The following GLIS1 variants were observed in gnomAD, a reference collection of about 807,000 sequenced individuals.
GLIS1 encodes GLIS family zinc finger 1.
In GLIS1, 24 loss-of-function variants were observed where a neutral mutation model predicts 63.8. The observed-to-expected ratio is 0.38, with a 90% CI of 0.27 to 0.53. The LOEUF (loss-of-function observed/expected upper bound fraction) is 0.53. Ranked by LOEUF, GLIS1 falls within the 20% of genes least tolerant of loss-of-function variation. GLIS1 has a pLI of 0.85. For missense variants in GLIS1, 1,036 were observed against 1,074.1 expected, an observed-to-expected ratio of 0.96 and a Z score of 0.50; for synonymous variants, 450 against 482.5, an observed-to-expected ratio of 0.93 and a Z score of 0.88.
intron 2 of GLIS1, among the ~76,000 whole-genome samples, chr1:53,706,180 C>T (rs1272615911): frequency 6.6e-6 from 1 of 152,158 alleles, no homozygotes; most frequent in Non-Finnish European, 1.5e-5. Flanking sequence ...AAGTAACTTG[C>T]CCAGTGTCAA....
chr1:53,730,819 G>A (rs565531459), intron 2 of GLIS1, among the ~76,000 whole-genome samples: 1 of 152,136 alleles, frequency 6.6e-6, no homozygotes, highest in Non-Finnish European at 1.5e-5. Flanking sequence ...CCTTCCATAG[G>A]GGGGGTCATC....
chr1:53,555,598 T>C (rs1177014853), intron 4 of GLIS1, among the ~76,000 whole-genome samples: 3 of 152,204 alleles, frequency 2.0e-5, no homozygotes, highest in Non-Finnish European at 2.9e-5. Flanking sequence ...GGATAAATGC[T>C]TGAGGTAATG....
chr1:53,738,151 C>T (rs1487542472), intron 1 of GLIS1, 45 bp from the exon 2 acceptor site: 2 of 1,133,854 alleles, frequency 1.8e-6, no homozygotes, highest in Admixed American at 4.3e-5. Flanking sequence ...CGGAAAGCGG[C>T]CCCCGTATTG....
chr1:53,673,462 C>T (rs1343122163), intron 2 of GLIS1, among the ~76,000 whole-genome samples: 1 of 152,258 alleles, frequency 6.6e-6, no homozygotes, highest in Non-Finnish European at 1.5e-5. Context: ...CTACGCTCAG[C>T]AGCTGTGAGG....
chr1:53,590,307 C>T (rs1360858547), intron 4 of GLIS1, among the ~76,000 whole-genome samples: 1 of 152,180 alleles, frequency 6.6e-6, no homozygotes, highest in East Asian at 1.9e-4. Flanking sequence ...GGCTGGGTCC[C>T]AGGTCTGTGG....
intron 2 of GLIS1, among the ~76,000 whole-genome samples, chr1:53,699,143 C>A (rs1026895234): frequency 6.6e-6 from 1 of 151,998 alleles, no homozygotes; most frequent in African/African-American, 2.4e-5. Context: ...CGGCTCACTG[C>A]ATTCTCCGCT....
At chr1:53,709,331 C>CAT (rs1244076963) in intron 2 of GLIS1, among the ~76,000 whole-genome samples, 3 of 42,992 alleles carry the variant, frequency 7.0e-5, no homozygotes, top group Non-Finnish European at 1.3e-4. Flanking sequence ...TAAATATACA[C>CAT]ATATATATAC....
chr1:53,638,064 T>C (rs897313390), intron 2 of GLIS1, among the ~76,000 whole-genome samples: 1 of 152,174 alleles, frequency 6.6e-6, no homozygotes, highest in Non-Finnish European at 1.5e-5. Flanking sequence ...CAGTATCCCA[T>C]CTGGGTTTAG....
chr1:53,518,252 G>T (rs1440771566), intron 7 of GLIS1, among the ~76,000 whole-genome samples: 7 of 152,222 alleles, frequency 4.6e-5, no homozygotes, highest in Admixed American at 1.3e-4. Flanking sequence ...CAGAGGAGCA[G>T]CACTAGCAGC....
chr1:53,573,199 G>T (rs1398823024), intron 4 of GLIS1, among the ~76,000 whole-genome samples: 2 of 152,202 alleles, frequency 1.3e-5, no homozygotes, highest in Non-Finnish European at 2.9e-5. Context: ...TGGCAGGCCA[G>T]CCTCTGCTCC....
intron 4 of GLIS1, among the ~76,000 whole-genome samples, chr1:53,530,930 G>A (rs1002787460): frequency 2.6e-5 from 4 of 152,372 alleles, no homozygotes; most frequent in African/African-American, 7.2e-5. Flanking sequence ...GGGGACCAGC[G>A]CTGACGGGCG....
rs777561220 is a variant in GLIS1, at chr1:53,709,415, C to CATATAT, written c.259+28390_259+28391insATATAT. ...ATATACATATACATATATATATACACACACACACACACACACACACACACA... is the reference window on the plus strand; with the variant it reads ...ATATACATATACATATATATATACACATATATACACACACACACACACACACACACA... On this transcript the variant is annotated intron_variant, in intron 2 of 10. Transcript: ENST00000628545. 3.1e-3 allele frequency among the ~76,000 whole-genome samples: 387 copies of CATATAT among 123,618 alleles called. 14 individuals are homozygous for CATATAT. The highest frequency in any genetic ancestry group is 4.5e-3 in the Non-Finnish European group (276 of 62,022). The allele number at this position is 123,618 out of a possible 152,430, so 81.1% of individuals were successfully genotyped here.
intron 4 of GLIS1, among the ~76,000 whole-genome samples, chr1:53,553,913 AGTGT>A: frequency 6.6e-6 from 1 of 152,266 alleles, no homozygotes; most frequent in South Asian, 2.1e-4. Context: ...CAGCTCAGAC[AGTGT>A]GCCTTGCTGA....
intron 4 of GLIS1, among the ~76,000 whole-genome samples, chr1:53,542,803 A>G (rs1037254873): frequency 1.3e-5 from 2 of 152,186 alleles, no homozygotes; most frequent in Non-Finnish European, 2.9e-5. Flanking sequence ...GGCTGCTCCC[A>G]GCAAGGCCCA....
At chr1:53,524,910 G>T in intron 5 of GLIS1, 23 bp from the exon 6 acceptor site, 1 of 1,565,396 alleles carries the variant, frequency 6.4e-7, no homozygotes, top group Non-Finnish European at 8.8e-7. Context: ...GGGCACGGGT[G>T]GGGTGAGTGA....
At chr1:53,570,415 C>T (rs1179004714) in intron 4 of GLIS1, among the ~76,000 whole-genome samples, 3 of 152,142 alleles carry the variant, frequency 2.0e-5, no homozygotes, top group African/African-American at 7.2e-5. Context: ...AGCCACTGCA[C>T]CTGGCTTCGT....
At chr1:53,550,661 C>A (rs1644749060) in intron 4 of GLIS1, among the ~76,000 whole-genome samples, 1 of 152,122 alleles carries the variant, frequency 6.6e-6, no homozygotes, top group Non-Finnish European at 1.5e-5. Context: ...TGTGAAACCA[C>A]AATTATCAAG....
At chr1:53,685,212 T>C (rs1646321616) in intron 2 of GLIS1, among the ~76,000 whole-genome samples, 1 of 152,076 alleles carries the variant, frequency 6.6e-6, no homozygotes, top group South Asian at 2.1e-4. Context: ...GCACTCCCCA[T>C]CCAGAGGCCA....
At position 53,539,529 on chromosome 1, in the gene GLIS1, CAT is replaced by C. The variant is rs1466609612; in HGVS notation, c.1321-9579_1321-9578del. ...ATACACACACCACACCACACACACA[CAT>C]ACCACACGGTATACACCCCCCCACA... On this transcript the variant is annotated intron_variant, in intron 4 of 10. Coordinates refer to ENST00000628545, the MANE Select transcript of GLIS1 (RefSeq NM_001367484.1). This position sits in a 1 kb window ranked among gnomAD's most constrained non-coding sequence, Gnocchi z 5.0. 4.7e-3 allele frequency among the ~76,000 whole-genome samples: 504 copies of C among 107,288 alleles called. 4 individuals are homozygous for C. The highest frequency in any genetic ancestry group is 0.017 in the African/African-American group (485 of 28,738). 70.4% of individuals were successfully genotyped at this position (107,288 alleles called of 152,430 possible).
Sources: gnomAD v4.1 joint callset for allele counts (sites outside exome capture counted in the v4.1 genomes callset) on GRCh38, gnomAD v4.1.1 for gene constraint, Gnocchi (gnomAD v3.1) non-coding constraint, MANE v1.5 for transcripts, NCBI Gene and HGNC (gene_info 2026-07-23, HGNC 2026-07-21) for gene names.